The following DCPS variants were observed in gnomAD, a reference collection of about 807,000 sequenced individuals.
DCPS encodes the protein m7GpppX diphosphatase.
Under a neutral mutation model 34.7 loss-of-function variants are expected in DCPS, and 27 were observed. The observed-to-expected ratio is 0.78, with a 90% CI of 0.57 to 1.07. DCPS has a LOEUF of 1.07. Ranked by LOEUF, DCPS falls within the 50% of genes least tolerant of loss-of-function variation. The pLI is 0.00. For missense variants in DCPS, 464 were observed against 436.9 expected (o/e 1.06, Z -0.55); for synonymous variants, 185 against 185.7 (o/e 1.00, Z 0.03).
rs367707802 is a variant in DCPS at position 126,315,920 on chromosome 11, G to A, written c.376+9176G>A. On this transcript the variant is annotated intron_variant, in intron 2 of 5. Transcript: ENST00000263579. This position sits in a 1 kb window ranked among gnomAD's most constrained non-coding sequence, Gnocchi z 6.1. ...GTAGAGACAGGGTTTCATCATGTTGGCCAGGCTATCTCAAACTCCTGACCT... is the reference window on the plus strand; with the variant it reads ...GTAGAGACAGGGTTTCATCATGTTGACCAGGCTATCTCAAACTCCTGACCT... 4.6e-5 allele frequency among the ~76,000 whole-genome samples: 7 copies of A among 152,022 alleles called. No homozygotes were observed. The highest frequency in any genetic ancestry group is 2.1e-4 in the South Asian group (1 of 4,816).
At position 126,334,912 on chromosome 11, in the gene DCPS, C is replaced by T. The variant is rs973190397; in HGVS notation, c.522+3362C>T. On this transcript the variant is annotated intron_variant, in intron 3 of 5. Transcript: ENST00000263579. This position sits in a 1 kb window ranked among gnomAD's most constrained non-coding sequence, Gnocchi z 5.5. The stretch of plus-strand genomic sequence containing the variant: ...TTCTCAGTCTGTCATCTAAGAGCAG[C>T]GTGACATTGTCCTTAATTTCGGAGC... Among the ~76,000 whole-genome samples, 1 of 152,220 alleles carries T rather than the reference C, an allele frequency of 6.6e-6. No individual in the cohort carries two copies. Among genetic ancestry groups the T allele is most frequent in the Admixed American group, 6.5e-5 (1 of 15,278 alleles).
intron 2 of DCPS, among the ~76,000 whole-genome samples, chr11:126,321,753 A>G (rs538550263): frequency 1.3e-5 from 2 of 152,362 alleles, no homozygotes; most frequent in South Asian, 2.1e-4. Flanking sequence ...TTCAAGAACT[A>G]TAATTAATCT....
At position 126,338,275 on chromosome 11, in the gene DCPS, C is replaced by T. The variant is rs747456482; in HGVS notation, c.523-11C>T. 13 of 1,613,414 alleles carry T rather than the reference C, an allele frequency of 8.1e-6. No individual in the cohort carries two copies. The highest frequency in any genetic ancestry group is 1.0e-5 in the Non-Finnish European group (12 of 1,179,442). On this transcript the variant is annotated splice_polypyrimidine_tract_variant and intron_variant, in intron 3 of 5. Coordinates refer to ENST00000263579, the MANE Select transcript of DCPS (RefSeq NM_014026.6). The surrounding 1 kb of genome is among the most constrained non-coding windows in gnomAD (Gnocchi z 5.4). ...TGGATTTGTGAACCATCTCTCTCCC[C>T]CTCCTTTCAGTGGGTGTATAACATT...
rs1219575187 is a variant in DCPS at position 126,313,292 on chromosome 11, T to TC, written c.376+6550dup. Among the ~76,000 whole-genome samples the TC allele has an allele frequency of 6.6e-6, 1 of 152,194 alleles. No individual in the cohort carries two copies. On this transcript the variant is annotated intron_variant, in intron 2 of 5. Coordinates refer to ENST00000263579, the MANE Select transcript of DCPS (RefSeq NM_014026.6). The surrounding 1 kb of genome is among the most constrained non-coding windows in gnomAD (Gnocchi z 4.9). Reference sequence around the variant, plus strand: ...GTACTGTAGCCACAGGCCAGGGTTTTCCGCCCTGTGCTATTTGCAGAGGCA... The same window carrying TC: ...GTACTGTAGCCACAGGCCAGGGTTTTCCCGCCCTGTGCTATTTGCAGAGGCA...
intron 2 of DCPS, among the ~76,000 whole-genome samples, chr11:126,311,250 C>T (rs1430929272): frequency 7.2e-5 from 11 of 152,360 alleles, no homozygotes. Context: ...TGAGTTTTAG[C>T]ACAGTGCCAG....
At position 126,328,783 on chromosome 11, in the gene DCPS, C is replaced by A. The variant is rs528362021; in HGVS notation, c.377-2622C>A. Among the ~76,000 whole-genome samples the A allele has an allele frequency of 1.3e-5, 2 of 152,198 alleles. No homozygotes were observed. The highest frequency in any genetic ancestry group is 4.8e-5 in the African/African-American group (2 of 41,450). ...CCAACCCAGGCAACGGAGGCAACAG[C>A]GGAGAGAATCCAAGCTAGCCTGGGG... On this transcript the variant is annotated intron_variant, in intron 2 of 5. Transcript: ENST00000263579. This position sits in a 1 kb window ranked among gnomAD's most constrained non-coding sequence, Gnocchi z 6.6.
In DCPS at chr11:126,345,176, A is replaced by G. The variant is rs1462998157; in HGVS notation, c.748-171A>G. 6.6e-6 allele frequency among the ~76,000 whole-genome samples: 1 copy of G among 152,176 alleles called. No homozygotes were observed. The highest frequency in any genetic ancestry group is 1.5e-5 in the Non-Finnish European group (1 of 68,024). On this transcript the variant is annotated intron_variant, in intron 5 of 5. Transcript: ENST00000263579. This position sits in a 1 kb window ranked among gnomAD's most constrained non-coding sequence, Gnocchi z 7.4. ...CCTGCACTTGTGGATTTCCTAGACT[A>G]GAAGACAGAGGAAGCTGAAGCAGAC...
chr11:126,315,121 G>T lies in DCPS; in HGVS notation c.376+8377G>T, dbSNP rs112256032. Among the ~76,000 whole-genome samples, 60 of 152,114 alleles carry T rather than the reference G, an allele frequency of 3.9e-4. 1 individual carries two copies. Among genetic ancestry groups the T allele is most frequent in the African/African-American group, 1.4e-3 (58 of 41,444 alleles). On this transcript the variant is annotated intron_variant, in intron 2 of 5. Coordinates refer to ENST00000263579, the MANE Select transcript of DCPS (RefSeq NM_014026.6). This position sits in a 1 kb window ranked among gnomAD's most constrained non-coding sequence, Gnocchi z 6.1. The stretch of plus-strand genomic sequence containing the variant: ...AGGGTGGAGGGTTGGAGGAGTAAGA[G>T]GATCAAAAAACTCCCTATCAGGTAT...
In DCPS at chr11:126,323,886, A is replaced by G. The variant is rs1219671532; in HGVS notation, c.377-7519A>G. 6.6e-6 allele frequency among the ~76,000 whole-genome samples: 1 copy of G among 152,158 alleles called. No individual in the cohort carries two copies. Among genetic ancestry groups the G allele is most frequent in the East Asian group, 1.9e-4 (1 of 5,198 alleles). ...TGCTCTGTTGCCCAGACTAGAGTGC[A>G]GTGGCGCCATCTCGGCTCACCGCAA... On this transcript the variant is annotated intron_variant, in intron 2 of 5. Transcript: ENST00000263579. The surrounding 1 kb of genome is among the most constrained non-coding windows in gnomAD (Gnocchi z 4.4).
At chr11:126,330,844 C>A (rs1303467819) in intron 2 of DCPS, among the ~76,000 whole-genome samples, 1 of 146,862 alleles carries the variant, frequency 6.8e-6, no homozygotes, top group African/African-American at 2.5e-5. Context: ...TCAAGTGGTT[C>A]TCCCGCCTCA....
chr11:126,304,393 T>C (rs919442557), intron 1 of DCPS, 112 bp downstream of exon 1: 230 of 1,263,064 alleles, frequency 1.8e-4, no homozygotes, highest in Non-Finnish European at 2.5e-4. Flanking sequence ...TCATTATCAC[T>C]CCGGGGAGGC....
chr11:126,333,608 A>T lies in DCPS; in HGVS notation c.522+2058A>T, dbSNP rs768733039. Among the ~76,000 whole-genome samples the T allele has an allele frequency of 2.6e-5, 4 of 152,162 alleles. No homozygotes were observed. Among genetic ancestry groups the T allele is most frequent in the Non-Finnish European group, 5.9e-5 (4 of 68,038 alleles). On this transcript the variant is annotated intron_variant, in intron 3 of 5. Transcript: ENST00000263579. The surrounding 1 kb of genome is among the most constrained non-coding windows in gnomAD (Gnocchi z 5.7). ...GAGGAGCAAGTCCAGAGGCACACAGAGCTGGAATCATCCGATGCTTTGGGG... is the reference window on the plus strand; with the variant it reads ...GAGGAGCAAGTCCAGAGGCACACAGTGCTGGAATCATCCGATGCTTTGGGG...
In DCPS at chr11:126,349,864, A is replaced by G. The variant is rs1430150168; in HGVS notation, c.*4251A>G. On this transcript the variant is annotated 3_prime_UTR_variant, in exon 6 of 6. Transcript: ENST00000263579. This position sits in a 1 kb window ranked among gnomAD's most constrained non-coding sequence, Gnocchi z 5.4. ...GTTTGTTCTATTATAATATTATTGA[A>G]ATTACATTGAATTCTGAAATCCATG... Among the ~76,000 whole-genome samples the G allele has an allele frequency of 6.6e-6, 1 of 152,262 alleles. No individual in the cohort carries two copies. The highest frequency in any genetic ancestry group is 1.5e-5 in the Non-Finnish European group (1 of 68,052).
At chr11:126,310,283 A>C (rs1951609769) in intron 2 of DCPS, among the ~76,000 whole-genome samples, 1 of 152,238 alleles carries the variant, frequency 6.6e-6, no homozygotes, top group African/African-American at 2.4e-5. Flanking sequence ...ATATTGAAAT[A>C]AAGCCCTCCT....
intron 1 of DCPS, 72 bp downstream of exon 1, chr11:126,304,353 T>C (rs944312522): frequency 6.4e-7 from 1 of 1,568,742 alleles, no homozygotes; most frequent in Non-Finnish European, 8.7e-7. Flanking sequence ...GCAGATTTTT[T>C]TTTTTCGGAT....
rs1951765562 is a variant in DCPS at position 126,329,479 on chromosome 11, G to T, written c.377-1926G>T. Among the ~76,000 whole-genome samples the T allele has an allele frequency of 6.6e-6, 1 of 152,208 alleles. No homozygotes were observed. The highest frequency in any genetic ancestry group is 6.5e-5 in the Admixed American group (1 of 15,288). ...ATGGAGAGTCATGTGGCCAGCCTGG[G>T]GCCAGTGGCCATGTCTTCCCACTGT... On this transcript the variant is annotated intron_variant, in intron 2 of 5. Coordinates refer to ENST00000263579, the MANE Select transcript of DCPS (RefSeq NM_014026.6). This position sits in a 1 kb window ranked among gnomAD's most constrained non-coding sequence, Gnocchi z 5.0.
chr11:126,339,511 G>C (rs926991881), intron 4 of DCPS, among the ~76,000 whole-genome samples: 1 of 152,224 alleles, frequency 6.6e-6, no homozygotes, highest in African/African-American at 2.4e-5. Context: ...AGCATAATTC[G>C]TCTCTTGACA....
In DCPS at chr11:126,323,481, T is replaced by G. The variant is rs1403670823; in HGVS notation, c.377-7924T>G. On this transcript the variant is annotated intron_variant, in intron 2 of 5. Transcript: ENST00000263579. The surrounding 1 kb of genome is among the most constrained non-coding windows in gnomAD (Gnocchi z 4.4). ...AAAATACACATGATGCAGAAAGTTC[T>G]TTGAACAAGTAAGGCATTCAAACAA... Among the ~76,000 whole-genome samples, 1 of 152,222 alleles carries G rather than the reference T, an allele frequency of 6.6e-6. No homozygotes were observed. Among genetic ancestry groups the G allele is most frequent in the East Asian group, 1.9e-4 (1 of 5,202 alleles).
At position 126,344,431 on chromosome 11, in the gene DCPS, C is replaced by G. The variant is rs1165383191; in HGVS notation, c.748-916C>G. The stretch of plus-strand genomic sequence containing the variant: ...ATGCCAGGCCAACACTTTGACCTGC[C>G]CTAGCAGCTCAGACAGCTCCACCCT... On this transcript the variant is annotated intron_variant, in intron 5 of 5. Coordinates refer to ENST00000263579, the MANE Select transcript of DCPS (RefSeq NM_014026.6). The surrounding 1 kb of genome is among the most constrained non-coding windows in gnomAD (Gnocchi z 8.1). Among the ~76,000 whole-genome samples the G allele has an allele frequency of 2.0e-5, 3 of 152,154 alleles. No individual in the cohort carries two copies. The highest frequency in any genetic ancestry group is 7.2e-5 in the African/African-American group (3 of 41,420).
Sources: gnomAD v4.1 joint callset for allele counts (sites outside exome capture counted in the v4.1 genomes callset) on GRCh38, gnomAD v4.1.1 for gene constraint, Gnocchi (gnomAD v3.1) non-coding constraint, MANE v1.5 for transcripts, NCBI Gene and HGNC (gene_info 2026-07-23, HGNC 2026-07-21) for gene names.